The following NYNRIN variants were observed in gnomAD, a reference collection of about 807,000 sequenced individuals.
NYNRIN encodes protein NYNRIN.
NYNRIN carries 86 observed loss-of-function variants against 146.6 expected under a neutral mutation model. That is an observed-to-expected ratio of 0.59 (90% confidence interval 0.49 to 0.70). The LOEUF is 0.70. Ranked by LOEUF, NYNRIN falls within the 30% of genes least tolerant of loss-of-function variation. NYNRIN has a pLI of 0.00. For synonymous variants in NYNRIN, 1,027 were observed against 1,001.3 expected (o/e 1.03, Z -0.48); for missense variants, 2,191 against 2,377.7 (o/e 0.92, Z 1.63).
At chr14:24,410,865 G>GCACA (rs148834854) in intron 4 of NYNRIN, among the ~76,000 whole-genome samples, 1 of 151,486 alleles carries the variant, frequency 6.6e-6, no homozygotes, top group African/African-American at 2.4e-5. Flanking sequence ...ACAGGTACAT[G>GCACA]CACACACACA....
chr14:24,410,227 G>A lies in NYNRIN; in HGVS notation c.2414+19G>A, dbSNP rs747495211. 2.6e-6 allele frequency: 4 copies of A among 1,550,776 alleles called. No homozygotes were observed. Among genetic ancestry groups the A allele is most frequent in the South Asian group, 2.4e-5 (2 of 81,928 alleles). On this transcript the variant is annotated intron_variant, in intron 4 of 8. Transcript: ENST00000382554. ...CCATGGTGTGAGTAGTCACGGGCGT[G>A]GGGTGGGCTGGGGATGCTGTGGACC...
In NYNRIN at chr14:24,415,110, C is replaced by T; in HGVS notation, c.3361C>T (p.Leu1121Phe). 6.2e-7 allele frequency: 1 copy of T among 1,607,854 alleles called. No homozygotes were observed. The highest frequency in any genetic ancestry group is 8.5e-7 in the Non-Finnish European group (1 of 1,179,648). Residue 1121 changes from leucine to phenylalanine, a missense_variant, in exon 9 of 9, where the codon CTC becomes TTC. By Grantham distance (22) the Leu-to-Phe change is conservative (BLOSUM62 0). Transcript: ENST00000382554. ...YEALVGPLHSLLKQKPDWQWD... is the reference protein window; with the variant it reads ...YEALVGPLHSFLKQKPDWQWD... ...AGCCCTAGTGGGCCCCCTGCACAGC[C>T]TCCTCAAGCAGAAGCCTGACTGGCA...
chr14:24,405,646 G>C (rs1196429391), intron 2 of NYNRIN, among the ~76,000 whole-genome samples: 2 of 152,172 alleles, frequency 1.3e-5, no homozygotes, highest in Non-Finnish European at 2.9e-5. Context: ...CCCGACTGTG[G>C]AGCTAGAGTG....
At position 24,411,536 on chromosome 14, in the gene NYNRIN, G is replaced by A. The variant is rs970889749; in HGVS notation, c.2642+86G>A. On this transcript the variant is annotated intron_variant, in intron 6 of 8. Coordinates refer to ENST00000382554, the MANE Select transcript of NYNRIN (RefSeq NM_025081.3). The surrounding 1 kb of genome is among the most constrained non-coding windows in gnomAD (Gnocchi z 4.3). The stretch of plus-strand genomic sequence containing the variant: ...AGGTGGAGTCCGGCCTGTCTTCTCT[G>A]GGGAAATGGAGGCAAACATGTTGGG... 1.1e-5 allele frequency: 13 copies of A among 1,187,226 alleles called. No individual in the cohort carries two copies. In the African/African-American group the frequency reaches 1.8e-4, roughly 17 times the overall value. The allele number at this position is 1,187,226 out of a possible 1,614,324, so 73.5% of individuals were successfully genotyped here. A position where few individuals can be genotyped will look rare whatever the true frequency, so the allele number is the denominator to read the frequency against.
Position 24,415,031 on chromosome 14 carries a change from C to G in NYNRIN, c.3282C>G (p.Leu1094=), listed in dbSNP as rs1310224895. The G allele has an allele frequency of 1.2e-6, 2 of 1,611,532 alleles. No homozygotes were observed. The highest frequency in any genetic ancestry group is 1.3e-5 in the African/African-American group (1 of 74,954). Residue 1094 remains leucine, a synonymous_variant, in exon 9 of 9, where the codon CTC becomes CTG. Transcript: ENST00000382554. The stretch of plus-strand genomic sequence containing the variant: ...CCATCCCCAGCAACTTCACCGCACT[C>G]TCCTTCTTCATGGGCTTCATGGACT... ...QLTIPSNFTA[L]SFFMGFMDSH...
intron 2 of NYNRIN, among the ~76,000 whole-genome samples, chr14:24,405,113 A>T (rs1267437239): frequency 6.6e-6 from 1 of 151,938 alleles, no homozygotes; most frequent in Non-Finnish European, 1.5e-5. Context: ...TTGGGCTCCC[A>T]GATCTAACTG....
chr14:24,418,374 C>G lies in NYNRIN; in HGVS notation c.*928C>G. 1 of 429,602 alleles carries G rather than the reference C, an allele frequency of 2.3e-6. No individual in the cohort carries two copies. The highest frequency in any genetic ancestry group is 4.7e-6 in the Non-Finnish European group (1 of 214,514). 26.6% of individuals were successfully genotyped at this position (429,602 alleles called of 1,614,324 possible). A position where few individuals can be genotyped will look rare whatever the true frequency, so the allele number is the denominator to read the frequency against. ...GGCATGGCTCTACCTCCCAACCCCT[C>G]CCAACCCCATCCCAAAGCCTACAGT... On this transcript the variant is annotated 3_prime_UTR_variant, in exon 9 of 9. Coordinates refer to ENST00000382554, the MANE Select transcript of NYNRIN (RefSeq NM_025081.3).
intron 4 of NYNRIN, among the ~76,000 whole-genome samples, chr14:24,410,424 T>C (rs145829881): frequency 1.5e-3 from 226 of 152,336 alleles, no homozygotes; most frequent in African/African-American, 4.8e-3. Context: ...GTTTCTGGTT[T>C]CCCTGTCTGA....
rs753065638 is a variant in NYNRIN at position 24,415,019 on chromosome 14, C to G, written c.3270C>G (p.Asn1090Lys). 13 of 1,605,528 alleles carry G rather than the reference C, an allele frequency of 8.1e-6. No individual in the cohort carries two copies. Among genetic ancestry groups the G allele is most frequent in the African/African-American group, 1.3e-5 (1 of 74,728 alleles). Residue 1090 changes from asparagine (N) to lysine (K), a missense_variant, in exon 9 of 9, where the codon AAC (asparagine) becomes AAG (lysine). Around this residue, in one of 3 missense-constraint regions of NYNRIN, gnomAD observed 1,291 missense variants for 1,417.0 expected, o/e 0.91. Transcript: ENST00000382554. ...TGGCCCAGCTCACCATCCCCAGCAA[C>G]TTCACCGCACTCTCCTTCTTCATGG... ...AHLAQLTIPS[N>K]FTALSFFMGF...
intron 2 of NYNRIN, among the ~76,000 whole-genome samples, chr14:24,402,840 G>C (rs940858670): frequency 2.6e-5 from 4 of 152,072 alleles, no homozygotes; most frequent in Non-Finnish European, 5.9e-5. Flanking sequence ...CATTTGAAAA[G>C]TCCAATTTTA....
In NYNRIN at chr14:24,409,884, C is replaced by G; in HGVS notation, c.2090C>G (p.Ala697Gly). 1 of 1,613,406 alleles carries G rather than the reference C, an allele frequency of 6.2e-7. No individual in the cohort carries two copies. Among genetic ancestry groups the G allele is most frequent in the African/African-American group, 1.3e-5 (1 of 75,044 alleles). Residue 697 changes from alanine to glycine, a missense_variant, in exon 4 of 9, where the codon GCC (alanine) becomes GGC (glycine). Ala to Gly is a moderately conservative substitution (Grantham distance 60). Coordinates refer to ENST00000382554, the MANE Select transcript of NYNRIN (RefSeq NM_025081.3). Reference protein sequence around the residue: ...PTDAGPTLDVARLLSEVQPTS... With the variant: ...PTDAGPTLDVGRLLSEVQPTS... Reference sequence around the variant, plus strand: ...GATGCAGGGCCAACCTTGGATGTAGCCAGACTTCTGAGTGAGGTCCAGCCT... The same window carrying G: ...GATGCAGGGCCAACCTTGGATGTAGGCAGACTTCTGAGTGAGGTCCAGCCT...
intron 2 of NYNRIN, among the ~76,000 whole-genome samples, chr14:24,406,350 A>G (rs1000110992): frequency 2.0e-5 from 3 of 152,078 alleles, no homozygotes; most frequent in African/African-American, 7.2e-5. Flanking sequence ...TCCATTTTTC[A>G]TGTTGTTTTC....
intron 2 of NYNRIN, among the ~76,000 whole-genome samples, chr14:24,400,305 C>G (rs1439740935): frequency 2.0e-5 from 3 of 152,236 alleles, no homozygotes; most frequent in African/African-American, 7.2e-5. Context: ...TTTTCCTCCC[C>G]TTGGGCCTGT....
rs368482072 is a variant in NYNRIN at position 24,414,862 on chromosome 14, T to G, written c.3113T>G (p.Ile1038Ser). The G allele has an allele frequency of 1.2e-6, 2 of 1,610,752 alleles. No homozygotes were observed. The highest frequency in any genetic ancestry group is 2.7e-5 in the African/African-American group (2 of 74,772). Residue 1038 changes from isoleucine to serine, a missense_variant, in exon 9 of 9, where the codon ATC (isoleucine) becomes AGC (serine). Physicochemically the swap from Ile to Ser is moderately radical, Grantham distance 142. Transcript: ENST00000382554. ...GAGTGCCCGTCCCTTTCGGAGGAGA[T>G]CCTGCGGTGCCTCAGCCTCCATGAT... is the stretch of plus-strand genomic sequence containing the variant. Reference protein sequence around the residue: ...RVECPSLSEEILRCLSLHDPP... With the variant: ...RVECPSLSEESLRCLSLHDPP...
Position 24,416,098 on chromosome 14 carries a change from A to G in NYNRIN, c.4349A>G (p.Gln1450Arg). 1 of 1,613,918 alleles carries G rather than the reference A, an allele frequency of 6.2e-7. No homozygotes were observed. Residue 1450 changes from glutamine to arginine, a missense_variant, in exon 9 of 9, where the codon CAG becomes CGG. By Grantham distance (43) the Gln-to-Arg change is conservative. Coordinates refer to ENST00000382554, the MANE Select transcript of NYNRIN (RefSeq NM_025081.3). ...TVDTLAKQGAQGGGQWWSLPK... is the reference protein window; with the variant it reads ...TVDTLAKQGARGGGQWWSLPK... The stretch of plus-strand genomic sequence containing the variant: ...GACACCCTGGCCAAGCAGGGTGCCC[A>G]GGGGGGTGGGCAGTGGTGGAGTTTG...
intron 2 of NYNRIN, among the ~76,000 whole-genome samples, chr14:24,403,280 CTT>C (rs2042856193): frequency 6.6e-6 from 1 of 152,164 alleles, no homozygotes; most frequent in South Asian, 2.1e-4. Context: ...ATTGTTAATT[CTT>C]ACCACTTCCA....
At position 24,417,191 on chromosome 14, in the gene NYNRIN, CAG is replaced by C. The variant is rs766884619; in HGVS notation, c.5443_5444del (p.Arg1815AlafsTer15). ...ADKASEKAEN[R>X]RFKRESQEKE... is the part of the protein sequence containing the mutation. ...ACAAGGCGAGTGAAAAGGCCGAGAA[CAG>C]GCGTTTCAAGCGGGAGAGCCAGGAG... On this transcript the variant is annotated frameshift_variant, in exon 9 of 9. Coordinates refer to ENST00000382554, the MANE Select transcript of NYNRIN (RefSeq NM_025081.3). LOFTEE classifies it high-confidence loss of function. 1 of 1,614,072 alleles carries C rather than the reference CAG, an allele frequency of 6.2e-7. No homozygotes were observed. The highest frequency in any genetic ancestry group is 1.1e-5 in the South Asian group (1 of 91,088).
intron 2 of NYNRIN, among the ~76,000 whole-genome samples, chr14:24,400,407 C>T (rs1594736096): frequency 6.6e-6 from 1 of 152,200 alleles, no homozygotes; most frequent in Admixed American, 6.5e-5. Context: ...CCCTCTGCCC[C>T]AGACCACCTT....
At chr14:24,407,054 A>G (rs1307966181) in intron 2 of NYNRIN, among the ~76,000 whole-genome samples, 4 of 152,186 alleles carry the variant, frequency 2.6e-5, no homozygotes, top group Admixed American at 2.6e-4. Flanking sequence ...TCTGGGCAAC[A>G]GAGTTACTAT....
Sources: allele counts gnomAD v4.1 joint callset (sites outside exome capture counted in the v4.1 genomes callset), GRCh38; gene constraint gnomAD v4.1.1; regional missense constraint gnomAD v4.1.1; non-coding constraint Gnocchi (gnomAD v3.1); transcripts MANE v1.5; gene names NCBI Gene and HGNC (gene_info 2026-07-23, HGNC 2026-07-21).